SGCZ: variants seen among roughly 807,000 people sequenced by gnomAD.
The protein encoded by SGCZ is sarcoglycan zeta, also known as zeta-sarcoglycan.
In SGCZ, 40 loss-of-function variants were observed where a neutral mutation model predicts 41.3. The ratio of observed to expected loss-of-function variants is 0.97; its 90% confidence interval spans 0.75 to 1.26. The LOEUF is 1.26. Ranked by LOEUF, SGCZ falls within the 50% of genes most tolerant of loss-of-function variation. SGCZ has a pLI of 0.00. For synonymous variants in SGCZ, 206 were observed against 137.5 expected (o/e 1.50, Z -3.49); for missense variants, 552 against 369.8 (o/e 1.49, Z -4.04).
At chr8:14,395,353 CA>C (rs1418193864) in intron 2 of SGCZ, among the ~76,000 whole-genome samples, 3 of 152,082 alleles carry the variant, frequency 2.0e-5, no homozygotes, top group Non-Finnish European at 2.9e-5. Context: ...CAGTGTTTAT[CA>C]GTCAAGTTAG....
chr8:14,668,857 A>C (rs897166112), intron 1 of SGCZ, among the ~76,000 whole-genome samples: 12 of 152,160 alleles, frequency 7.9e-5, no homozygotes, highest in Non-Finnish European at 1.8e-4. Flanking sequence ...ATATCCTTAT[A>C]CATGGTGAAA....
At chr8:14,570,544 C>A (rs1340974929) in intron 1 of SGCZ, among the ~76,000 whole-genome samples, 3 of 152,076 alleles carry the variant, frequency 2.0e-5, no homozygotes, top group African/African-American at 4.8e-5. Flanking sequence ...AATATTTTTT[C>A]ATAGAGCTTT....
chr8:14,657,637 T>G (rs933363932), intron 1 of SGCZ, among the ~76,000 whole-genome samples: 6 of 151,564 alleles, frequency 4.0e-5, no homozygotes, highest in African/African-American at 1.5e-4. Context: ...TTCTAACTCT[T>G]TAATCAGATA....
intron 1 of SGCZ, among the ~76,000 whole-genome samples, chr8:14,952,502 T>A (rs961510048): frequency 3.9e-5 from 6 of 152,154 alleles, no homozygotes; most frequent in Admixed American, 3.9e-4. Context: ...GAGGCATCAT[T>A]GAGTTAACCT....
intron 1 of SGCZ, among the ~76,000 whole-genome samples, chr8:14,581,351 C>A (rs1804882172): frequency 6.6e-6 from 1 of 152,162 alleles, no homozygotes; most frequent in Non-Finnish European, 1.5e-5. Context: ...AAGCGAACAG[C>A]CCACCTCGAC....
intron 1 of SGCZ, among the ~76,000 whole-genome samples, chr8:15,139,331 C>G (rs564116487): frequency 9.9e-5 from 15 of 152,166 alleles, no homozygotes; most frequent in Non-Finnish European, 2.2e-4. Context: ...GTCTAAAGAA[C>G]TATTTTGAAT....
At chr8:14,235,707 CAG>C (rs1251169372) in intron 4 of SGCZ, among the ~76,000 whole-genome samples, 4 of 152,072 alleles carry the variant, frequency 2.6e-5, no homozygotes, top group Non-Finnish European at 5.9e-5. Flanking sequence ...TTTTTTGAGA[CAG>C]AGTCTCACTC....
chr8:14,200,524 T>A (rs545831122), intron 4 of SGCZ, among the ~76,000 whole-genome samples: 65 of 152,224 alleles, frequency 4.3e-4, no homozygotes, highest in African/African-American at 1.4e-3. Flanking sequence ...TAGGATAAGG[T>A]AGAGAGCCCA....
intron 1 of SGCZ, among the ~76,000 whole-genome samples, chr8:14,786,851 A>AT (rs1800783842): frequency 1.4e-5 from 1 of 71,346 alleles, no homozygotes; most frequent in Admixed American, 1.7e-4. Context: ...AAAAAAAAAA[A>AT]CAAAAAACAC....
intron 1 of SGCZ, among the ~76,000 whole-genome samples, chr8:15,180,310 G>T (rs1024331788): frequency 6.6e-6 from 1 of 152,028 alleles, no homozygotes; most frequent in African/African-American, 2.4e-5. Context: ...TTTTCCACTG[G>T]CTATATAAAA....
At chr8:14,816,986 T>C (rs1801923506) in intron 1 of SGCZ, among the ~76,000 whole-genome samples, 1 of 152,168 alleles carries the variant, frequency 6.6e-6, no homozygotes, top group South Asian at 2.1e-4. Context: ...CAGAGTTTCA[T>C]TAAGAAACTG....
At chr8:14,648,590 A>G (rs1016543480) in intron 1 of SGCZ, among the ~76,000 whole-genome samples, 1 of 152,132 alleles carries the variant, frequency 6.6e-6, no homozygotes, top group Non-Finnish European at 1.5e-5. Context: ...ATGTTTGTCA[A>G]AGAAAAGGTT....
At chr8:14,602,039 G>C (rs1805608380) in intron 1 of SGCZ, among the ~76,000 whole-genome samples, 1 of 152,090 alleles carries the variant, frequency 6.6e-6, no homozygotes, top group Non-Finnish European at 1.5e-5. Context: ...AGAATGGCAT[G>C]AACCCGGGAG....
intron 5 of SGCZ, among the ~76,000 whole-genome samples, chr8:14,122,772 T>C (rs1206862359): frequency 1.3e-5 from 2 of 152,162 alleles, no homozygotes; most frequent in Admixed American, 6.6e-5. Flanking sequence ...CTTTCTCCCT[T>C]ATCCCCATTA....
chr8:14,384,485 G>A (rs56083868), intron 2 of SGCZ, among the ~76,000 whole-genome samples: 2 of 152,062 alleles, frequency 1.3e-5, no homozygotes, highest in Non-Finnish European at 2.9e-5. Flanking sequence ...AAGATAATTG[G>A]TTGTTATAGG....
intron 2 of SGCZ, among the ~76,000 whole-genome samples, chr8:14,428,817 G>C (rs77687086): frequency 0.015 from 2,329 of 152,266 alleles, 30 homozygotes; most frequent in Middle Eastern, 0.031. Flanking sequence ...ATGGATATAA[G>C]TTCACATGTA....
At chr8:14,165,122 T>G (rs942821338) in intron 4 of SGCZ, 1 of 157,078 alleles carries the variant, frequency 6.4e-6, no homozygotes, top group Non-Finnish European at 1.4e-5. Flanking sequence ...TACCCATGCT[T>G]GCTACATCAC....
At chr8:15,217,208 G>C (rs1179236434) in intron 1 of SGCZ, among the ~76,000 whole-genome samples, 1 of 151,774 alleles carries the variant, frequency 6.6e-6, no homozygotes, top group African/African-American at 2.4e-5. Context: ...ACGAGGTCAG[G>C]AGATCGAGAC....
At chr8:14,464,812 T>C (rs1006201026) in intron 2 of SGCZ, among the ~76,000 whole-genome samples, 1 of 151,704 alleles carries the variant, frequency 6.6e-6, no homozygotes, top group Non-Finnish European at 1.5e-5. Flanking sequence ...CTAAATATTT[T>C]TATATCCCTT....
Sources: allele counts gnomAD v4.1 joint callset (sites outside exome capture counted in the v4.1 genomes callset), GRCh38; gene constraint gnomAD v4.1.1; transcripts MANE v1.5; gene names NCBI Gene and HGNC (gene_info 2026-07-23, HGNC 2026-07-21).